FAM169A: variants seen among roughly 807,000 people sequenced by gnomAD.
FAM169A encodes soluble lamin-associated protein of 75 kDa.
In FAM169A, 24 loss-of-function variants were observed where a neutral mutation model predicts 75.7. The observed-to-expected ratio is 0.32, with a 90% confidence interval of 0.23 to 0.45. The LOEUF (loss-of-function observed/expected upper bound fraction) is 0.45, where lower values mean the gene tolerates loss of function less well. Among genes scored for constraint, FAM169A ranks in the 20% least tolerant of loss-of-function variants. The probability of loss-of-function intolerance (pLI) is 1.00; values close to 1 mark genes in which losing one functional copy is unlikely to be tolerated. For synonymous variants in FAM169A, 271 were observed against 271.0 expected (o/e 1.00, Z 0.00); for missense variants, 673 against 784.0 (o/e 0.86, Z 1.69).
chr5:74,860,471 A>G (rs1010305902), intron 1 of FAM169A, among the ~76,000 whole-genome samples: 13 of 152,096 alleles, frequency 8.5e-5, no homozygotes, highest in African/African-American at 2.9e-4. Context: ...CCAAGTCCCA[A>G]ATTCAATTGA....
chr5:74,854,698 G>A (rs1749619563), intron 1 of FAM169A, among the ~76,000 whole-genome samples: 1 of 152,092 alleles, frequency 6.6e-6, no homozygotes, highest in South Asian at 2.1e-4. Context: ...ATAAATGAGA[G>A]CATGCAAAGT....
At chr5:74,814,137 A>G in intron 5 of FAM169A, 118 bp from the exon 6 acceptor site, 1 of 633,724 alleles carries the variant, frequency 1.6e-6, no homozygotes, top group South Asian at 3.3e-5. Flanking sequence ...AAAAACGTTA[A>G]ATATATAAAT....
intron 5 of FAM169A, among the ~76,000 whole-genome samples, 188 bp from the exon 6 acceptor site, chr5:74,814,207 G>A (rs569005366): frequency 1.3e-5 from 2 of 152,080 alleles, no homozygotes; most frequent in Non-Finnish European, 2.9e-5. Flanking sequence ...ATGTGATAAT[G>A]AAAGGAGCTA....
At chr5:74,801,865 T>C (rs1304772443) in intron 8 of FAM169A, among the ~76,000 whole-genome samples, 1 of 152,218 alleles carries the variant, frequency 6.6e-6, no homozygotes, top group East Asian at 1.9e-4. Context: ...CCTAGTTCTG[T>C]CCTCAGCCAC....
Position 74,781,760 on chromosome 5 carries a change from C to T in FAM169A, c.1713G>A (p.Gln571=). The change falls in exon 13 of 13, where the codon CAG becomes CAA. Residue 571 remains glutamine, a synonymous_variant. Coordinates refer to ENST00000687041, the MANE Select transcript of FAM169A (RefSeq NM_001376049.1). The part of the protein sequence containing the change: ...SPNTTSSLED[Q]GEEGVSEPQE... ...GGGGCTCAGATACCCCCTCCTCACC[C>T]TGGTCTTCCAATGAGGAAGTAGTAT... 1.2e-6 allele frequency: 2 copies of T among 1,614,030 alleles called. No individual in the cohort carries two copies. The highest frequency in any genetic ancestry group is 1.7e-6 in the Non-Finnish European group (2 of 1,179,966).
At chr5:74,840,550 C>A (rs1039573436) in intron 2 of FAM169A, among the ~76,000 whole-genome samples, 1 of 150,230 alleles carries the variant, frequency 6.7e-6, no homozygotes, top group Non-Finnish European at 1.5e-5. Context: ...AAAAGCAGGC[C>A]GGGCACAGTG....
chr5:74,788,646 G>A (rs767760953), intron 11 of FAM169A, among the ~76,000 whole-genome samples: 8 of 151,818 alleles, frequency 5.3e-5, no homozygotes, highest in African/African-American at 9.7e-5. Flanking sequence ...TGGAGGTTGC[G>A]GTGAGCCAAG....
At chr5:74,820,888 C>T (rs528233876) in intron 5 of FAM169A, among the ~76,000 whole-genome samples, 3 of 152,304 alleles carry the variant, frequency 2.0e-5, no homozygotes, top group East Asian at 3.9e-4. Context: ...CCATATCAAT[C>T]ACTATACTCT....
intron 1 of FAM169A, among the ~76,000 whole-genome samples, chr5:74,861,792 C>G (rs1423461364): frequency 1.3e-5 from 2 of 152,186 alleles, no homozygotes; most frequent in African/African-American, 2.4e-5. Context: ...TCCCTTAACA[C>G]AACTCTTCAT....
In FAM169A at chr5:74,778,612, A is replaced by T. The variant is rs945545749; in HGVS notation, c.*2848T>A. On this transcript the variant is annotated 3_prime_UTR_variant, in exon 13 of 13. Coordinates refer to ENST00000687041, the MANE Select transcript of FAM169A (RefSeq NM_001376049.1). ...TTTGATTTTATAAAAAAATCATAAT[A>T]GACCCTCTCACCTTTAAAAGTTGTA... 2.0e-5 allele frequency: 3 copies of T among 152,098 alleles called. No homozygotes were observed. The highest frequency in any genetic ancestry group is 7.2e-5 in the African/African-American group (3 of 41,456). 9.4% of individuals were successfully genotyped at this position (152,098 alleles called of 1,614,324 possible). A position where few individuals can be genotyped will look rare whatever the true frequency, so the allele number is the denominator to read the frequency against.
rs1460008782 is a variant in FAM169A at position 74,777,979 on chromosome 5, G to A, written c.*3481C>T. On this transcript the variant is annotated 3_prime_UTR_variant, in exon 13 of 13. Coordinates refer to ENST00000687041, the MANE Select transcript of FAM169A (RefSeq NM_001376049.1). ...ACAATCACTTGATGACAGAAGGTAA[G>A]CCTTTCTTACAATTAGATTTTAGCA... The A allele has an allele frequency of 6.6e-6, 1 of 152,000 alleles. No homozygotes were observed. The highest frequency in any genetic ancestry group is 6.5e-5 in the Admixed American group (1 of 15,268). 9.4% of individuals were successfully genotyped at this position (152,000 alleles called of 1,614,324 possible). A position where few individuals can be genotyped will look rare whatever the true frequency, so the allele number is the denominator to read the frequency against.
At chr5:74,803,248 T>C (rs1452281133) in intron 8 of FAM169A, among the ~76,000 whole-genome samples, 1 of 152,118 alleles carries the variant, frequency 6.6e-6, no homozygotes, top group Non-Finnish European at 1.5e-5. Context: ...GAAGAGTAGA[T>C]TTTCTACTTT....
In FAM169A at chr5:74,778,174, G is replaced by C. The variant is rs1745217537; in HGVS notation, c.*3286C>G. Reference sequence around the variant, plus strand: ...AGGTACAAAGAAAGCTTGATATTAAGTATGAAAACATAAGCATAACATTTG... The same window carrying C: ...AGGTACAAAGAAAGCTTGATATTAACTATGAAAACATAAGCATAACATTTG... On this transcript the variant is annotated 3_prime_UTR_variant, in exon 13 of 13. Coordinates refer to ENST00000687041, the MANE Select transcript of FAM169A (RefSeq NM_001376049.1). 6.6e-6 allele frequency: 1 copy of C among 151,970 alleles called. No individual in the cohort carries two copies. The highest frequency in any genetic ancestry group is 6.6e-5 in the Admixed American group (1 of 15,256). The allele number at this position is 151,970 out of a possible 1,614,324, so 9.4% of individuals were successfully genotyped here.
rs1188223806 is a variant in FAM169A at position 74,777,794 on chromosome 5, A to G, written c.*3666T>C. 1 of 152,096 alleles carries G rather than the reference A, an allele frequency of 6.6e-6. No individual in the cohort carries two copies. The highest frequency in any genetic ancestry group is 1.5e-5 in the Non-Finnish European group (1 of 67,944). The allele number at this position is 152,096 out of a possible 1,614,324, so 9.4% of individuals were successfully genotyped here. On this transcript the variant is annotated 3_prime_UTR_variant, in exon 13 of 13. Coordinates refer to ENST00000687041, the MANE Select transcript of FAM169A (RefSeq NM_001376049.1). ...TACTTTTAAACTTAAAAAAAAATAAAAACCAAGAAAACAAACATAGGTACT... is the reference window on the plus strand; with the variant it reads ...TACTTTTAAACTTAAAAAAAAATAAGAACCAAGAAAACAAACATAGGTACT...
chr5:74,783,588 G>A (rs1377464158), intron 11 of FAM169A, among the ~76,000 whole-genome samples: 2 of 152,216 alleles, frequency 1.3e-5, no homozygotes, highest in East Asian at 1.9e-4. Context: ...TTCTGTGCCA[G>A]AGGTAGGAAG....
intron 5 of FAM169A, among the ~76,000 whole-genome samples, chr5:74,816,348 G>A (rs1747470023): frequency 6.6e-6 from 1 of 152,134 alleles, no homozygotes; most frequent in African/African-American, 2.4e-5. Context: ...GAATACTACT[G>A]AAATGCAGAA....
At chr5:74,863,234 C>G (rs934218048) in intron 1 of FAM169A, among the ~76,000 whole-genome samples, 3 of 152,138 alleles carry the variant, frequency 2.0e-5, no homozygotes, top group African/African-American at 7.2e-5. Context: ...ATCTTTAAAT[C>G]ATCACACCTT....
At position 74,781,375 on chromosome 5, in the gene FAM169A, C is replaced by T; in HGVS notation, c.*85G>A. 1 of 1,339,800 alleles carries T rather than the reference C, an allele frequency of 7.5e-7. No homozygotes were observed. The highest frequency in any genetic ancestry group is 1.4e-5 in the South Asian group (1 of 71,118). 83.0% of individuals were successfully genotyped at this position (1,339,800 alleles called of 1,614,324 possible). A position where few individuals can be genotyped will look rare whatever the true frequency, so the allele number is the denominator to read the frequency against. The stretch of plus-strand genomic sequence containing the variant: ...AAATTTTGGAAATTTTTGTCCTGTG[C>T]CCCATGCTGTTTATTAATTACCATA... On this transcript the variant is annotated 3_prime_UTR_variant, in exon 13 of 13. Coordinates refer to ENST00000687041, the MANE Select transcript of FAM169A (RefSeq NM_001376049.1).
chr5:74,788,832 A>G (rs1225592619), intron 11 of FAM169A, among the ~76,000 whole-genome samples: 1 of 152,192 alleles, frequency 6.6e-6, no homozygotes, highest in Non-Finnish European at 1.5e-5. Context: ...TCACGGTTCA[A>G]CTCTCTCATT....
Sources: gnomAD v4.1 joint callset for allele counts (sites outside exome capture counted in the v4.1 genomes callset) on GRCh38, gnomAD v4.1.1 for gene constraint, MANE v1.5 for transcripts, NCBI Gene and HGNC (gene_info 2026-07-23, HGNC 2026-07-21) for gene names.